MDFIC2: variants seen among roughly 807,000 people sequenced by gnomAD.
MDFIC2 encodes the protein myoD family inhibitor domain-containing protein 2.
intron 2 of MDFIC2, among the ~76,000 whole-genome samples, chr3:70,273,108 G>A (rs1375665857): frequency 2.6e-5 from 4 of 152,130 alleles, no homozygotes; most frequent in Admixed American, 6.6e-5. Context: ...AAAGGCTGCC[G>A]TTACAAGGAA....
intron 2 of MDFIC2, among the ~76,000 whole-genome samples, chr3:70,231,371 C>G (rs1186039807): frequency 2.0e-5 from 3 of 152,214 alleles, no homozygotes; most frequent in Non-Finnish European, 4.4e-5. Flanking sequence ...AAGCTGTCAA[C>G]GCAAACTTGC....
intron 2 of MDFIC2, among the ~76,000 whole-genome samples, chr3:70,273,901 C>A (rs1404451923): frequency 6.6e-6 from 1 of 152,098 alleles, no homozygotes; most frequent in African/African-American, 2.4e-5. Flanking sequence ...CTCCTAGGCT[C>A]AAGTCATTCT....
chr3:70,231,980 G>T (rs917749923), intron 2 of MDFIC2, among the ~76,000 whole-genome samples: 2 of 152,134 alleles, frequency 1.3e-5, no homozygotes, highest in African/African-American at 4.8e-5. Context: ...AGCCCCCAAA[G>T]CGTTATTGTC....
chr3:70,289,977 G>C (rs1702214807), intron 2 of MDFIC2, among the ~76,000 whole-genome samples: 1 of 152,030 alleles, frequency 6.6e-6, no homozygotes, highest in South Asian at 2.1e-4. Flanking sequence ...TCTTTTCAAA[G>C]TTTTCAACTT....
chr3:70,209,820 G>A (rs1576155980), intron 2 of MDFIC2, among the ~76,000 whole-genome samples: 1 of 152,106 alleles, frequency 6.6e-6, no homozygotes, highest in African/African-American at 2.4e-5. Context: ...CAAATAGCTG[G>A]GTTTTACACA....
chr3:70,260,985 T>C (rs1701860444), intron 2 of MDFIC2, among the ~76,000 whole-genome samples: 2 of 152,178 alleles, frequency 1.3e-5, no homozygotes, highest in Non-Finnish European at 2.9e-5. Flanking sequence ...GCAGAACTTG[T>C]GGGCCCCAGG....
intron 2 of MDFIC2, among the ~76,000 whole-genome samples, chr3:70,220,349 T>G (rs1701451599): frequency 6.6e-6 from 1 of 152,006 alleles, no homozygotes; most frequent in Non-Finnish European, 1.5e-5. Context: ...GAGGATAACT[T>G]GGCTCCAGGA....
At chr3:70,229,338 T>C (rs1395157249) in intron 2 of MDFIC2, among the ~76,000 whole-genome samples, 1 of 152,192 alleles carries the variant, frequency 6.6e-6, no homozygotes, top group Non-Finnish European at 1.5e-5. Context: ...GAATGATCCT[T>C]ATTTGCATAT....
intron 2 of MDFIC2, among the ~76,000 whole-genome samples, chr3:70,276,337 C>T (rs543397361): frequency 1.1e-4 from 17 of 152,266 alleles, no homozygotes; most frequent in African/African-American, 4.1e-4. Flanking sequence ...CTTATGAACA[C>T]ACTTTCTTCA....
chr3:70,285,191 A>C (rs1175541696), intron 2 of MDFIC2, among the ~76,000 whole-genome samples: 2 of 142,580 alleles, frequency 1.4e-5, no homozygotes, highest in South Asian at 5.0e-4. Context: ...ATACCTCCCA[A>C]TGCTATCCCT....
At chr3:70,307,379 C>G (rs1702412501) in intron 2 of MDFIC2, among the ~76,000 whole-genome samples, 1 of 152,090 alleles carries the variant, frequency 6.6e-6, no homozygotes, top group Non-Finnish European at 1.5e-5. Flanking sequence ...TTAAGGGCTT[C>G]CATCCCTTCA....
chr3:70,233,257 T>C (rs1436059574), intron 2 of MDFIC2, among the ~76,000 whole-genome samples: 1 of 152,034 alleles, frequency 6.6e-6, no homozygotes, highest in Non-Finnish European at 1.5e-5. Flanking sequence ...CTGCAAAAGA[T>C]AAAAGCTGAA....
intron 2 of MDFIC2, among the ~76,000 whole-genome samples, chr3:70,241,849 G>A (rs1384994368): frequency 2.6e-5 from 4 of 152,186 alleles, no homozygotes; most frequent in East Asian, 1.9e-4. Context: ...ATTTGCTCAA[G>A]CTCACACAGT....
At chr3:70,287,776 T>G (rs1029644734) in intron 2 of MDFIC2, among the ~76,000 whole-genome samples, 4 of 150,480 alleles carry the variant, frequency 2.7e-5, no homozygotes, top group Non-Finnish European at 5.9e-5. Flanking sequence ...TTCTTCCTGG[T>G]TTAGTCTTGG....
chr3:70,254,561 C>T (rs1230842262), intron 2 of MDFIC2, among the ~76,000 whole-genome samples: 1 of 152,068 alleles, frequency 6.6e-6, no homozygotes, highest in East Asian at 1.9e-4. Flanking sequence ...AATCTATTTT[C>T]CCTAATGGTG....
chr3:70,297,846 T>C (rs1314609303), intron 2 of MDFIC2, among the ~76,000 whole-genome samples: 1 of 152,134 alleles, frequency 6.6e-6, no homozygotes, highest in African/African-American at 2.4e-5. Context: ...AGAAGTACAA[T>C]TGAATTTAAT....
At chr3:70,265,216 T>C (rs1259422996) in intron 2 of MDFIC2, among the ~76,000 whole-genome samples, 1 of 152,116 alleles carries the variant, frequency 6.6e-6, no homozygotes, top group Non-Finnish European at 1.5e-5. Flanking sequence ...CTAGTGTTCA[T>C]GTAAGTCTCT....
At chr3:70,244,761 C>T (rs1004271894) in intron 2 of MDFIC2, among the ~76,000 whole-genome samples, 4 of 152,194 alleles carry the variant, frequency 2.6e-5, no homozygotes, top group African/African-American at 9.7e-5. Context: ...ATATTTTGTG[C>T]ATGTGTGTGC....
intron 3 of MDFIC2, among the ~76,000 whole-genome samples, chr3:70,200,590 A>C (rs1355598488): frequency 1.3e-5 from 2 of 152,140 alleles, no homozygotes; most frequent in East Asian, 3.9e-4. Context: ...TCCTTGCTGA[A>C]ACTCTCACAG....
Sources: allele counts gnomAD v4.1 joint callset (sites outside exome capture counted in the v4.1 genomes callset), GRCh38; gene constraint gnomAD v4.1.1; transcripts MANE v1.5; gene names NCBI Gene and HGNC (gene_info 2026-07-23, HGNC 2026-07-21).